EI24: variants seen among roughly 807,000 people sequenced by gnomAD.
EI24 encodes etoposide-induced protein 2.4 homolog.
EI24 carries 21 observed loss-of-function variants against 48.6 expected under a neutral mutation model. The ratio of observed to expected loss-of-function variants is 0.43; its 90% CI spans 0.31 to 0.62. The LOEUF is 0.62. Among genes scored for constraint, EI24 ranks in the 20% least tolerant of loss-of-function variants. The pLI is 0.10. For synonymous variants in EI24, 114 were observed against 145.5 expected, an observed-to-expected ratio of 0.78 and a Z score of 1.56; for missense variants, 280 against 410.5, an observed-to-expected ratio of 0.68 and a Z score of 2.75.
intron 10 of EI24, 79 bp downstream of exon 10, chr11:125,582,499 T>A (rs902113399): frequency 1.5e-4 from 145 of 937,976 alleles, no homozygotes; most frequent in Middle Eastern, 2.3e-4. Context: ...TGAGGCTTTT[T>A]AAAAAAAAAA....
chr11:125,573,958 A>C (rs1243144773), intron 2 of EI24, among the ~76,000 whole-genome samples: 5 of 152,162 alleles, frequency 3.3e-5, no homozygotes, highest in African/African-American at 1.2e-4. Flanking sequence ...CTAGGATTAC[A>C]GGCATGAGCC....
At position 125,575,280 on chromosome 11, in the gene EI24, C is replaced by A; in HGVS notation, c.60C>A (p.Ile20=). The part of the protein sequence containing the change: ...QDLARGIKDS[I]WGICTISKLD... ...TTCTATAGGGAATCAAAGACTCCAT[C>A]TGGGGTATTTGTACCATCTCAAAGC... The change falls in exon 3 of 11, where the codon ATC becomes ATA. Residue 20 remains isoleucine (I), a synonymous_variant. Coordinates refer to ENST00000278903, the MANE Select transcript of EI24 (RefSeq NM_004879.5). The A allele has an allele frequency of 6.5e-7, 1 of 1,549,798 alleles. No homozygotes were observed.
chr11:125,573,125 C>T (rs1938592609), intron 2 of EI24, among the ~76,000 whole-genome samples: 1 of 151,742 alleles, frequency 6.6e-6, no homozygotes, highest in Admixed American at 6.6e-5. Flanking sequence ...AGGCTGGTCT[C>T]AAACTCCTGG....
chr11:125,572,016 G>C (rs1218694851), intron 1 of EI24, among the ~76,000 whole-genome samples: 2 of 152,130 alleles, frequency 1.3e-5, no homozygotes, highest in Non-Finnish European at 2.9e-5. Flanking sequence ...CTTTTATCTT[G>C]CTCTTGTATT....
intron 1 of EI24, 63 bp downstream of exon 1, chr11:125,569,636 G>A: frequency 2.9e-6 from 1 of 342,808 alleles, no homozygotes; most frequent in Admixed American, 4.8e-5. Context: ...TGAGTGGCAG[G>A]GACCGGGAGG....
At chr11:125,582,703 T>A (rs981703812) in intron 10 of EI24, among the ~76,000 whole-genome samples, 2 of 152,138 alleles carry the variant, frequency 1.3e-5, no homozygotes, top group Non-Finnish European at 2.9e-5. Flanking sequence ...TAGTAAAATA[T>A]ACTTTAAAAT....
chr11:125,578,799 G>A, intron 6 of EI24, 150 bp from the exon 7 acceptor site: 1 of 934,324 alleles, frequency 1.1e-6, no homozygotes, highest in East Asian at 2.7e-5. Flanking sequence ...CTGAGTAGCT[G>A]GGACTATAGG....
chr11:125,578,155 T>C lies in EI24; in HGVS notation c.339T>C (p.Asp113=), dbSNP rs1255155635. 1 of 1,613,612 alleles carries C rather than the reference T, an allele frequency of 6.2e-7. No individual in the cohort carries two copies. ...RIIGDPSLHG[D]VWSWLEFFLT... is the part of the protein sequence containing the mutation. ...TAGGTGACCCATCACTACATGGAGA[T>C]GTTTGGTCGTGGCTGGAATTCTTCC... The change falls in exon 6 of 11, where the codon GAT becomes GAC. Residue 113 remains aspartate, a synonymous_variant. Coordinates refer to ENST00000278903, the MANE Select transcript of EI24 (RefSeq NM_004879.5).
chr11:125,579,194 A>C (rs1325878090), intron 7 of EI24, 126 bp downstream of exon 7: 2 of 783,628 alleles, frequency 2.6e-6, no homozygotes, highest in Non-Finnish European at 3.5e-6. Context: ...GGTGGGAGGT[A>C]ATGATTTTTA....
chr11:125,570,125 T>C (rs1389270936), intron 1 of EI24: 1 of 152,236 alleles, frequency 6.6e-6, no homozygotes, highest in Non-Finnish European at 1.5e-5. Flanking sequence ...TATTTGTCCA[T>C]GGGATGCTCG....
intron 10 of EI24, 105 bp downstream of exon 10, chr11:125,582,525 A>G (rs1939055732): frequency 1.2e-6 from 1 of 861,478 alleles, no homozygotes; most frequent in Non-Finnish European, 1.7e-6. Flanking sequence ...TACTGTAGGA[A>G]AATCTTAATA....
chr11:125,572,199 G>A (rs934989715), intron 1 of EI24, among the ~76,000 whole-genome samples: 2 of 152,126 alleles, frequency 1.3e-5, no homozygotes, highest in Non-Finnish European at 2.9e-5. Flanking sequence ...TTGTAAAAAT[G>A]TAAAATGTAA....
chr11:125,578,832 A>G (rs536356665), intron 6 of EI24, 117 bp from the exon 7 acceptor site: 2 of 1,265,392 alleles, frequency 1.6e-6, no homozygotes, highest in South Asian at 1.5e-5. Context: ...TGCCCAGCTT[A>G]TTTTTAAATA....
chr11:125,574,163 G>T (rs746706624), intron 2 of EI24, among the ~76,000 whole-genome samples: 2 of 151,892 alleles, frequency 1.3e-5, no homozygotes, highest in Middle Eastern at 3.4e-3. Context: ...TGAGGCAGGA[G>T]AATCGTTTGA....
intron 2 of EI24, chr11:125,574,581 G>A (rs995239716): frequency 5.3e-5 from 8 of 152,154 alleles, no homozygotes; most frequent in Admixed American, 4.6e-4. Flanking sequence ...AACAGTAGAC[G>A]AGAATGCTAT....
rs148165280 is a variant in EI24 at position 125,578,084 on chromosome 11, TC to T, written c.317-48del. On this transcript the variant is annotated intron_variant, in intron 5 of 10. Transcript: ENST00000278903. ...GAGATGGGGGTTCCGCATTTGGTCTTCTGGATTTCCATTTCTCCATTTCTAG... is the reference window on the plus strand; with the variant it reads ...GAGATGGGGGTTCCGCATTTGGTCTTTGGATTTCCATTTCTCCATTTCTAG... 345 of 1,610,702 alleles carry T rather than the reference TC, an allele frequency of 2.1e-4. 1 individual carries two copies. In the African/African-American group the frequency reaches 4.4e-3, roughly 21 times the overall value.
At chr11:125,582,221 T>C (rs1478821965) in intron 9 of EI24, 125 bp from the exon 10 acceptor site, 9 of 853,124 alleles carry the variant, frequency 1.1e-5, no homozygotes, top group African/African-American at 8.8e-5. Flanking sequence ...GTTTGAAATA[T>C]TGAGGTTTCA....
intron 1 of EI24, among the ~76,000 whole-genome samples, chr11:125,571,245 C>T (rs1938523716): frequency 6.6e-6 from 1 of 152,144 alleles, no homozygotes; most frequent in Non-Finnish European, 1.5e-5. Context: ...ATGGTCATAC[C>T]TCTTAAACTG....
chr11:125,574,708 C>T (rs1002777), intron 2 of EI24: 53,492 of 152,094 alleles, frequency 0.35, 9,522 homozygotes, highest in Middle Eastern at 0.41. Flanking sequence ...GTGGCACTTA[C>T]TAAACTATGT....
Sources: allele counts gnomAD v4.1 joint callset (sites outside exome capture counted in the v4.1 genomes callset), GRCh38; gene constraint gnomAD v4.1.1; transcripts MANE v1.5; gene names NCBI Gene and HGNC (gene_info 2026-07-23, HGNC 2026-07-21).